The following SBF2 variants were observed in gnomAD, a reference collection of about 807,000 sequenced individuals.
The protein encoded by SBF2 is SET binding factor 2.
In SBF2, 112 loss-of-function variants were observed where a neutral mutation model predicts 225.2. The ratio of observed to expected loss-of-function variants is 0.50; its 90% CI spans 0.43 to 0.58. The LOEUF (loss-of-function observed/expected upper bound fraction) is 0.58. Ranked by LOEUF, SBF2 falls within the 20% of genes least tolerant of loss-of-function variation. The probability of loss-of-function intolerance (pLI) is 0.00; values close to 1 mark genes in which losing one functional copy is unlikely to be tolerated. For synonymous variants in SBF2, 763 were observed against 773.3 expected (o/e 0.99, Z 0.22); for missense variants, 1,996 against 2,206.2 (o/e 0.90, Z 1.91).
chr11:9,997,080 T>C (rs1282722145), intron 9 of SBF2, among the ~76,000 whole-genome samples: 2 of 152,234 alleles, frequency 1.3e-5, no homozygotes, highest in Non-Finnish European at 2.9e-5. Flanking sequence ...ATTTCATAGA[T>C]ACCACCATGA....
rs1259281467 is a variant in SBF2, at chr11:10,242,957, T to C, written c.56-48970A>G. ...AGAAGATCAAAAGAAAATATCAAACTTGAACAACACTATAGATCAAATAAA... is the reference window on the plus strand; with the variant it reads ...AGAAGATCAAAAGAAAATATCAAACCTGAACAACACTATAGATCAAATAAA... On this transcript the variant is annotated intron_variant, in intron 1 of 39. Coordinates refer to ENST00000256190, the MANE Select transcript of SBF2 (RefSeq NM_030962.4). 4.6e-5 allele frequency among the ~76,000 whole-genome samples: 7 copies of C among 152,018 alleles called. No individual in the cohort carries two copies. The South Asian group carries it at 1.0e-3, about 22-fold the overall frequency.
intron 2 of SBF2, among the ~76,000 whole-genome samples, chr11:10,063,344 A>T (rs7106528): frequency 0.087 from 10,336 of 118,772 alleles, 433 homozygotes; most frequent in Middle Eastern, 0.19. Context: ...ATATATATAT[A>T]TTTTTTTAAT....
intron 2 of SBF2, among the ~76,000 whole-genome samples, chr11:10,177,496 T>C (rs1956522078): frequency 1.3e-5 from 2 of 150,652 alleles, no homozygotes; most frequent in African/African-American, 4.9e-5. Flanking sequence ...CAGCAAAGTC[T>C]CAGCATACAA....
intron 16 of SBF2, among the ~76,000 whole-genome samples, chr11:9,955,036 C>T (rs1234303777): frequency 6.6e-6 from 1 of 151,956 alleles, no homozygotes; most frequent in Non-Finnish European, 1.5e-5. Context: ...TAACAAAAGA[C>T]AGGGCTTTTC....
At position 10,061,033 on chromosome 11, in the gene SBF2, A is replaced by T. The variant is rs537200352; in HGVS notation, c.142-18052T>A. Among the ~76,000 whole-genome samples, 29 of 152,276 alleles carry T rather than the reference A, an allele frequency of 1.9e-4. No homozygotes were observed. The East Asian group carries it at 2.7e-3, about 14-fold the overall frequency. On this transcript the variant is annotated intron_variant, in intron 2 of 39. Transcript: ENST00000256190. Reference sequence around the variant, plus strand: ...ACAGAGCGAGACTCCATCTCAAAAAAAAATAAATAAATAAACAAATAAATC... The same window carrying T: ...ACAGAGCGAGACTCCATCTCAAAAATAAATAAATAAATAAACAAATAAATC...
intron 16 of SBF2, among the ~76,000 whole-genome samples, chr11:9,947,301 G>A (rs139172859): frequency 9.9e-4 from 150 of 152,258 alleles, no homozygotes; most frequent in Non-Finnish European, 1.6e-3. Flanking sequence ...TTCCTATCAC[G>A]AGTTTCAGGT....
intron 1 of SBF2, among the ~76,000 whole-genome samples, chr11:10,203,513 T>C (rs1388414666): frequency 6.6e-6 from 1 of 152,184 alleles, no homozygotes; most frequent in African/African-American, 2.4e-5. Context: ...AGTTCAAGAA[T>C]ATTTACAGGA....
At chr11:10,230,445 G>T (rs1282202173) in intron 1 of SBF2, among the ~76,000 whole-genome samples, 4 of 152,154 alleles carry the variant, frequency 2.6e-5, no homozygotes, top group Non-Finnish European at 5.9e-5. Flanking sequence ...GCAGTGGCTG[G>T]TACCGGTTGT....
chr11:10,304,356 A>G (rs1964628277), intron 1 of SBF2, among the ~76,000 whole-genome samples: 1 of 152,262 alleles, frequency 6.6e-6, no homozygotes, highest in African/African-American at 2.4e-5. Context: ...ATGAAACAGT[A>G]TATTTCCTCC....
chr11:10,134,206 T>G (rs1954239700), intron 2 of SBF2, among the ~76,000 whole-genome samples: 1 of 152,148 alleles, frequency 6.6e-6, no homozygotes, highest in Non-Finnish European at 1.5e-5. Context: ...TCAGATCTCA[T>G]GAGACTTATT....
At chr11:9,987,128 G>A (rs1947230322) in intron 13 of SBF2, among the ~76,000 whole-genome samples, 2 of 152,032 alleles carry the variant, frequency 1.3e-5, no homozygotes, top group South Asian at 2.1e-4. Flanking sequence ...TAACATACAA[G>A]CCAATAAATG....
chr11:10,064,454 A>G (rs1950561760), intron 2 of SBF2, among the ~76,000 whole-genome samples: 1 of 152,206 alleles, frequency 6.6e-6, no homozygotes, highest in African/African-American at 2.4e-5. Flanking sequence ...GTAAAATAAT[A>G]GATTCCAGCC....
intron 13 of SBF2, among the ~76,000 whole-genome samples, chr11:9,976,450 A>C (rs905019877): frequency 2.6e-5 from 4 of 152,100 alleles, no homozygotes; most frequent in Non-Finnish European, 4.4e-5. Flanking sequence ...TGTCAGACAA[A>C]GCCAGGTATG....
At chr11:10,252,836 A>AAACG (rs1960504322) in intron 1 of SBF2, among the ~76,000 whole-genome samples, 1 of 78,440 alleles carries the variant, frequency 1.3e-5, no homozygotes, top group African/African-American at 3.3e-5. Context: ...AAAAAAAATC[A>AAACG]AAAAAAAGAA....
At position 9,829,784 on chromosome 11, in the gene SBF2, C is replaced by T. The variant is rs67554498; in HGVS notation, c.3653-288G>A. ...CAGCACAGGGCTACCCTTCCAAGCACAGATTGGGCTTGAAAGCACAGGGCA... is the reference window on the plus strand; with the variant it reads ...CAGCACAGGGCTACCCTTCCAAGCATAGATTGGGCTTGAAAGCACAGGGCA... On this transcript the variant is annotated intron_variant, in intron 27 of 39. Coordinates refer to ENST00000256190, the MANE Select transcript of SBF2 (RefSeq NM_030962.4). 0.26 allele frequency: 101,758 copies of T among 392,112 alleles called. 15,250 individuals are homozygous for T. Among genetic ancestry groups the T allele is most frequent in the African/African-American group, 0.48 (23,598 of 48,698 alleles). The allele number at this position is 392,112 out of a possible 1,614,324, so 24.3% of individuals were successfully genotyped here.
chr11:9,952,305 G>C (rs1227007104), intron 16 of SBF2, among the ~76,000 whole-genome samples: 1 of 152,158 alleles, frequency 6.6e-6, no homozygotes. Context: ...CCATGGTAAA[G>C]GAGAGGCAGC....
In SBF2 at chr11:10,108,678, C is replaced by A. The variant is rs559397652; in HGVS notation, c.142-65697G>T. ...TAGCTGGGACTACAGGCGCCCGCCA[C>A]CACGCCCGGCTAATTTTTTGTATTT... On this transcript the variant is annotated intron_variant, in intron 2 of 39. Coordinates refer to ENST00000256190, the MANE Select transcript of SBF2 (RefSeq NM_030962.4). Among the ~76,000 whole-genome samples the A allele has an allele frequency of 2.6e-3, 395 of 151,926 alleles. 3 individuals are homozygous for A. Among genetic ancestry groups the A allele is most frequent in the African/African-American group, 9.1e-3 (377 of 41,482 alleles).
chr11:10,203,831 GAAAC>G (rs1957653626), intron 1 of SBF2, among the ~76,000 whole-genome samples: 1 of 151,936 alleles, frequency 6.6e-6, no homozygotes, highest in African/African-American at 2.4e-5. Flanking sequence ...ATGAAACAGA[GAAAC>G]AGACTGGGAA....
chr11:10,036,355 T>C (rs182008116), intron 3 of SBF2, among the ~76,000 whole-genome samples: 1 of 152,206 alleles, frequency 6.6e-6, no homozygotes, highest in Non-Finnish European at 1.5e-5. Flanking sequence ...GGCACATGTA[T>C]ACCTATGTAA....
Sources: allele counts gnomAD v4.1 joint callset (sites outside exome capture counted in the v4.1 genomes callset), GRCh38; gene constraint gnomAD v4.1.1; transcripts MANE v1.5; gene names NCBI Gene and HGNC (gene_info 2026-07-23, HGNC 2026-07-21).